DSCAML1: variants seen among roughly 807,000 people sequenced by gnomAD.
DSCAML1 encodes the protein DS cell adhesion molecule like 1.
DSCAML1 carries 38 observed loss-of-function variants against 200.5 expected under a neutral mutation model. The ratio of observed to expected loss-of-function variants is 0.19; its 90% CI spans 0.15 to 0.25. The LOEUF (loss-of-function observed/expected upper bound fraction) is 0.25. DSCAML1 is among the 10% of genes least tolerant of loss of function. DSCAML1 has a pLI of 1.00. For synonymous variants in DSCAML1, 1,215 were observed against 1,165.0 expected (o/e 1.04, Z -0.87); for missense variants, 2,223 against 2,858.8 (o/e 0.78, Z 5.07).
chr11:117,619,167 G>A (rs1481920803), intron 3 of DSCAML1, among the ~76,000 whole-genome samples: 3 of 152,204 alleles, frequency 2.0e-5, no homozygotes, highest in South Asian at 2.1e-4. Flanking sequence ...CTGCCAAGTC[G>A]GCCCAGTGCT....
Position 117,483,123 on chromosome 11 carries a change from G to A in DSCAML1, c.2360-961C>T, listed in dbSNP as rs116011516. ...CCTCCTCTGGGCCTGAGCACCTGCG[G>A]CAGCAGCAGGAGGCAAGGGGCAGGG... On this transcript the variant is annotated intron_variant, in intron 11 of 32. Coordinates refer to ENST00000651296, the MANE Select transcript of DSCAML1 (RefSeq NM_020693.4). Among the ~76,000 whole-genome samples, 995 of 152,334 alleles carry A rather than the reference G, an allele frequency of 6.5e-3. 13 individuals are homozygous for A. The highest frequency in any genetic ancestry group is 0.023 in the African/African-American group (958 of 41,576).
At chr11:117,535,529 G>T (rs1160232855) in intron 3 of DSCAML1, among the ~76,000 whole-genome samples, 1 of 152,234 alleles carries the variant, frequency 6.6e-6, no homozygotes, top group Admixed American at 6.5e-5. Flanking sequence ...AAGGTGGAGG[G>T]CGCCAAGCCC....
chr11:117,592,198 G>A (rs1026011882), intron 3 of DSCAML1, among the ~76,000 whole-genome samples: 5 of 152,092 alleles, frequency 3.3e-5, no homozygotes, highest in African/African-American at 1.2e-4. Context: ...TCCTGGTTTT[G>A]TCATCTTACA....
At chr11:117,565,426 C>T (rs1002876893) in intron 3 of DSCAML1, among the ~76,000 whole-genome samples, 2 of 152,216 alleles carry the variant, frequency 1.3e-5, no homozygotes, top group Admixed American at 6.5e-5. Context: ...TATTTCTTCT[C>T]TCAAACCGTG....
chr11:117,441,994 GTGTGGGTGTGTATGTGCATCTGCA>G (rs1158923357), intron 21 of DSCAML1, among the ~76,000 whole-genome samples: 1 of 150,626 alleles, frequency 6.6e-6, no homozygotes, highest in Non-Finnish European at 1.5e-5. Context: ...GTGTGTGTAT[GTGTGGGTGTGTATGTGCATCTGCA>G]TGTGAGTGTG....
At chr11:117,633,171 G>A (rs796608327) in intron 3 of DSCAML1, among the ~76,000 whole-genome samples, 2 of 152,096 alleles carry the variant, frequency 1.3e-5, no homozygotes, top group African/African-American at 4.8e-5. Flanking sequence ...TGGGGACAGT[G>A]TGTGTCTCTC....
chr11:117,518,631 C>G lies in DSCAML1; in HGVS notation c.1345G>C (p.Val449Leu). ...VTWALDDEPI[V>L]RDGSHRTNQY... ...TTGGTGCGGTGGCTGCCATCCCGCA[C>G]GATGGGCTCATCGTCGAGGGCCCAG... The change falls in exon 7 of 33, where the codon GTG becomes CTG. Residue 449 changes from valine (V) to leucine (L), a missense_variant. Val to Leu is a conservative substitution (Grantham distance 32, BLOSUM62 1). This residue lies in a region of DSCAML1 where 579 missense variants were observed against 721.5 expected (regional missense o/e 0.80). Coordinates refer to ENST00000651296, the MANE Select transcript of DSCAML1 (RefSeq NM_020693.4). This position sits in a 1 kb window ranked among gnomAD's most constrained non-coding sequence, Gnocchi z 6.3. 1 of 1,613,480 alleles carries G rather than the reference C, an allele frequency of 6.2e-7. No homozygotes were observed.
At chr11:117,766,118 G>A (rs188525539) in intron 3 of DSCAML1, among the ~76,000 whole-genome samples, 1 of 152,196 alleles carries the variant, frequency 6.6e-6, no homozygotes, top group Non-Finnish European at 1.5e-5. Context: ...CATATGCAGT[G>A]AGCCTTGTGG....
At chr11:117,442,235 CGTGTGTAT>C (rs2048074442) in intron 21 of DSCAML1, among the ~76,000 whole-genome samples, 1 of 134,340 alleles carries the variant, frequency 7.4e-6, no homozygotes, top group African/African-American at 2.9e-5. Flanking sequence ...TGTGTGTGTG[CGTGTGTAT>C]GCATGTGCAT....
chr11:117,546,575 C>T (rs548565290), intron 3 of DSCAML1, among the ~76,000 whole-genome samples: 1 of 152,188 alleles, frequency 6.6e-6, no homozygotes, highest in African/African-American at 2.4e-5. Flanking sequence ...GTGGAGTTAC[C>T]AGAAAGGACC....
intron 3 of DSCAML1, among the ~76,000 whole-genome samples, chr11:117,706,904 C>T (rs568175617): frequency 1.2e-4 from 18 of 152,292 alleles, no homozygotes; most frequent in South Asian, 8.3e-4. Context: ...TCTACTCCTC[C>T]GCAAAATGAA....
intron 3 of DSCAML1, among the ~76,000 whole-genome samples, chr11:117,748,656 G>A (rs1022521662): frequency 3.3e-5 from 5 of 152,194 alleles, no homozygotes; most frequent in Non-Finnish European, 5.9e-5. Context: ...GATTAAGGAG[G>A]GGAGGGCTGG....
At chr11:117,560,394 A>G (rs1792389167) in intron 3 of DSCAML1, among the ~76,000 whole-genome samples, 1 of 152,140 alleles carries the variant, frequency 6.6e-6, no homozygotes, top group African/African-American at 2.4e-5. Context: ...CTACTGTCAT[A>G]TCCTCATTGT....
intron 8 of DSCAML1, among the ~76,000 whole-genome samples, chr11:117,507,468 G>A (rs2049524474): frequency 6.6e-6 from 1 of 152,184 alleles, no homozygotes; most frequent in Non-Finnish European, 1.5e-5. Flanking sequence ...GCCAGGTGTG[G>A]ACACAGAAAA....
intron 2 of DSCAML1, among the ~76,000 whole-genome samples, chr11:117,777,646 T>A (rs1456265154): frequency 1.3e-5 from 2 of 152,192 alleles, no homozygotes; most frequent in Non-Finnish European, 2.9e-5. Flanking sequence ...TCTTCCTGCT[T>A]CTGACCCTGG....
rs2055244322 is a variant in DSCAML1, at chr11:117,780,837, T to G, written c.47-27A>C. On this transcript the variant is annotated intron_variant, in intron 1 of 32. Transcript: ENST00000651296. The surrounding 1 kb of genome is among the most constrained non-coding windows in gnomAD (Gnocchi z 4.8). ...TGCAGGAGAGGCAAGGGGAGAGACT[T>G]GGTTAGCATGGGCTCTAACAATACC... 1.0e-5 allele frequency: 14 copies of G among 1,401,248 alleles called. No individual in the cohort carries two copies. Among genetic ancestry groups the G allele is most frequent in the Non-Finnish European group, 1.3e-5 (14 of 1,079,670 alleles). 86.8% of individuals were successfully genotyped at this position (1,401,248 alleles called of 1,614,324 possible). A position where few individuals can be genotyped will look rare whatever the true frequency, so the allele number is the denominator to read the frequency against.
At chr11:117,771,275 G>A (rs982621723) in intron 3 of DSCAML1, among the ~76,000 whole-genome samples, 5 of 152,160 alleles carry the variant, frequency 3.3e-5, no homozygotes, top group African/African-American at 1.2e-4. Flanking sequence ...ACATTTGTTT[G>A]TTGTATTGAG....
At chr11:117,465,265 A>G in intron 16 of DSCAML1, 83 bp from the exon 17 acceptor site, 1 of 1,549,908 alleles carries the variant, frequency 6.5e-7, no homozygotes. Flanking sequence ...AGATCATGTC[A>G]CTCCTCTGCC....
chr11:117,572,812 C>T (rs927222610), intron 3 of DSCAML1, among the ~76,000 whole-genome samples: 5 of 152,178 alleles, frequency 3.3e-5, no homozygotes, highest in Admixed American at 2.6e-4. Flanking sequence ...AGACATGCTT[C>T]TCTCAGGCTC....
Sources: gnomAD v4.1 joint callset for allele counts (sites outside exome capture counted in the v4.1 genomes callset) on GRCh38, gnomAD v4.1.1 for gene constraint, gnomAD v4.1.1 regional missense constraint, Gnocchi (gnomAD v3.1) non-coding constraint, MANE v1.5 for transcripts, NCBI Gene and HGNC (gene_info 2026-07-23, HGNC 2026-07-21) for gene names.